Variants in PHTF2 observed in about 807,000 individuals in gnomAD.
PHTF2 encodes putative homeodomain transcription factor 2.
Under a neutral mutation model 101.2 loss-of-function variants are expected in PHTF2, and 60 were observed. The observed-to-expected ratio is 0.59, with a 90% CI of 0.48 to 0.73. The LOEUF (loss-of-function observed/expected upper bound fraction) is 0.73. PHTF2 is among the 30% of genes least tolerant of loss of function. The pLI is 0.00. For synonymous variants in PHTF2, 311 were observed against 307.3 expected (o/e 1.01, Z -0.13); for missense variants, 747 against 908.7 (o/e 0.82, Z 2.29).
At chr7:77,931,836 TTGAA>T (rs1804598728) in intron 12 of PHTF2, among the ~76,000 whole-genome samples, 2 of 152,206 alleles carry the variant, frequency 1.3e-5, no homozygotes, top group Admixed American at 1.3e-4. Flanking sequence ...AGCAGTGAAA[TTGAA>T]TGAACTCGGC....
intron 2 of PHTF2, among the ~76,000 whole-genome samples, chr7:77,849,292 T>G (rs1796551125): frequency 6.7e-6 from 1 of 150,274 alleles, no homozygotes; most frequent in Non-Finnish European, 1.5e-5. Context: ...CCTGGCTAAT[T>G]TATATATATA....
At chr7:77,818,504 G>A (rs1428177046) in intron 1 of PHTF2, among the ~76,000 whole-genome samples, 1 of 152,138 alleles carries the variant, frequency 6.6e-6, no homozygotes, top group Non-Finnish European at 1.5e-5. Flanking sequence ...ATTTATTGAA[G>A]AGGCTATCCT....
chr7:77,935,534 C>A (rs947579112), intron 12 of PHTF2, among the ~76,000 whole-genome samples: 6 of 152,170 alleles, frequency 3.9e-5, no homozygotes, highest in African/African-American at 1.4e-4. Flanking sequence ...GTAATTAACT[C>A]TTTTAAAATT....
intron 10 of PHTF2, among the ~76,000 whole-genome samples, chr7:77,922,047 T>C (rs1319580680): frequency 7.4e-6 from 1 of 135,466 alleles, no homozygotes; most frequent in Non-Finnish European, 1.5e-5. Flanking sequence ...TTTTGAGACA[T>C]GGTCTCACTA....
Position 77,940,087 on chromosome 7 carries a change from A to G in PHTF2, c.1525A>G (p.Ile509Val), listed in dbSNP as rs1805512251. The G allele has an allele frequency of 3.7e-6, 6 of 1,613,678 alleles. No individual in the cohort carries two copies. The East Asian group carries it at 1.3e-4, about 36-fold the overall frequency. The change falls in exon 14 of 20, where the codon ATA becomes GTA. Residue 509 changes from isoleucine to valine, a missense_variant. Coordinates refer to ENST00000416283, the Ensembl canonical transcript of PHTF2. ...GATTTTTGGAAATGCAGTCTCTCTC[A>G]TACTGGGTTTAACTCCATTTGTTTT...
intron 1 of PHTF2, among the ~76,000 whole-genome samples, chr7:77,817,415 G>A (rs1267682636): frequency 6.6e-6 from 1 of 152,178 alleles, no homozygotes; most frequent in Non-Finnish European, 1.5e-5. Flanking sequence ...GAGCATGGCT[G>A]GGGAGGCATC....
At chr7:77,833,425 T>A (rs533952991) in intron 1 of PHTF2, among the ~76,000 whole-genome samples, 1 of 152,184 alleles carries the variant, frequency 6.6e-6, no homozygotes, top group African/African-American at 2.4e-5. Flanking sequence ...AATAATAATA[T>A]GAGAGTCTGA....
intron 3 of PHTF2, among the ~76,000 whole-genome samples, chr7:77,875,138 G>A (rs575672233): frequency 2.0e-5 from 3 of 152,212 alleles, no homozygotes; most frequent in Non-Finnish European, 4.4e-5. Flanking sequence ...CTATTTCTGT[G>A]TAGGGGTTGC....
chr7:77,947,791 C>A (rs1258916331), intron 16 of PHTF2, among the ~76,000 whole-genome samples: 1 of 147,688 alleles, frequency 6.8e-6, no homozygotes, highest in Non-Finnish European at 1.5e-5. Context: ...GAACAAGTTG[C>A]TGTACCAGAA....
At chr7:77,845,335 A>G (rs968103917) in intron 2 of PHTF2, among the ~76,000 whole-genome samples, 1 of 152,206 alleles carries the variant, frequency 6.6e-6, no homozygotes, top group South Asian at 2.1e-4. Flanking sequence ...TTTAAAAGGG[A>G]AAAAAAGCAC....
intron 3 of PHTF2, among the ~76,000 whole-genome samples, chr7:77,873,372 T>C (rs1018249575): frequency 1.3e-5 from 2 of 152,228 alleles, no homozygotes; most frequent in African/African-American, 4.8e-5. Flanking sequence ...ATGCCTGTTC[T>C]GCAGATTTCT....
At chr7:77,882,781 G>C (rs7796089) in intron 3 of PHTF2, among the ~76,000 whole-genome samples, 51,332 of 151,964 alleles carry the variant, frequency 0.34, 8,838 homozygotes, top group South Asian at 0.48. Context: ...AGAGTTGCTA[G>C]CTTTGGACAT....
intron 2 of PHTF2, among the ~76,000 whole-genome samples, chr7:77,852,562 A>G (rs1796850504): frequency 6.6e-6 from 1 of 152,102 alleles, no homozygotes; most frequent in Non-Finnish European, 1.5e-5. Context: ...AAGTTGTTGT[A>G]GTTGTTAGTT....
At chr7:77,830,294 GT>G (rs796530941) in intron 1 of PHTF2, among the ~76,000 whole-genome samples, 2 of 152,090 alleles carry the variant, frequency 1.3e-5, no homozygotes, top group African/African-American at 2.4e-5. Flanking sequence ...TATTTGCTGT[GT>G]TTTTTTCCTG....
At chr7:77,926,131 T>C (rs1282568783) in intron 11 of PHTF2, among the ~76,000 whole-genome samples, 3 of 152,212 alleles carry the variant, frequency 2.0e-5, no homozygotes, top group Non-Finnish European at 4.4e-5. Flanking sequence ...ATAGATATTT[T>C]CTTAATCCTG....
chr7:77,886,107 C>G (rs115222824), intron 3 of PHTF2, among the ~76,000 whole-genome samples: 1 of 152,080 alleles, frequency 6.6e-6, no homozygotes, highest in African/African-American at 2.4e-5. Flanking sequence ...AATCTTTTAT[C>G]TAAGCACTCA....
chr7:77,941,077 T>C (rs1000915856), intron 15 of PHTF2, among the ~76,000 whole-genome samples: 2 of 152,198 alleles, frequency 1.3e-5, no homozygotes, highest in East Asian at 1.9e-4. Flanking sequence ...CTTCTTGTTA[T>C]TGCATTAAGT....
At chr7:77,799,210 G>A (rs1315729997) in intron 1 of PHTF2, among the ~76,000 whole-genome samples, 1 of 152,182 alleles carries the variant, frequency 6.6e-6, no homozygotes, top group African/African-American at 2.4e-5. Flanking sequence ...AGGCTCAGCC[G>A]CCTTCCTCCC....
intron 15 of PHTF2, 54 bp downstream of exon 14, chr7:77,940,713 C>G: frequency 7.9e-7 from 1 of 1,268,840 alleles, no homozygotes; most frequent in South Asian, 1.5e-5. Flanking sequence ...TCTGATAGTT[C>G]CAGTTTCTTT....
Sources: gnomAD v4.1 joint callset for allele counts (sites outside exome capture counted in the v4.1 genomes callset) on GRCh38, gnomAD v4.1.1 for gene constraint, MANE v1.5 for transcripts, NCBI Gene and HGNC (gene_info 2026-07-23, HGNC 2026-07-21) for gene names.